Variants in TOX2 observed in about 807,000 individuals in gnomAD.
TOX2 encodes TOX high mobility group box family member 2.
TOX2 carries 15 observed loss-of-function variants against 47.4 expected under a neutral mutation model. The ratio of observed to expected loss-of-function variants is 0.32; its 90% confidence interval spans 0.21 to 0.49. The LOEUF is 0.49. Ranked by LOEUF, TOX2 falls within the 20% of genes least tolerant of loss-of-function variation. The pLI is 0.99. For synonymous variants in TOX2, 290 were observed against 296.6 expected, an observed-to-expected ratio of 0.98 and a Z score of 0.23; for missense variants, 622 against 673.1, an observed-to-expected ratio of 0.92 and a Z score of 0.84.
chr20:44,021,450 T>C (rs79854338), intron 3 of TOX2, among the ~76,000 whole-genome samples: 3,790 of 152,240 alleles, frequency 0.025, 81 homozygotes, highest in Non-Finnish European at 0.038. Context: ...ACAGGACTCC[T>C]CTTCTCCTTT....
intron 1 of TOX2, among the ~76,000 whole-genome samples, chr20:43,958,759 C>G (rs1035884540): frequency 1.3e-5 from 2 of 152,198 alleles, no homozygotes; most frequent in African/African-American, 4.8e-5. Flanking sequence ...TTACAGGACT[C>G]AACAATTTGG....
intron 2 of TOX2, among the ~76,000 whole-genome samples, chr20:44,000,408 C>T (rs760767472): frequency 6.6e-6 from 1 of 152,038 alleles, no homozygotes; most frequent in Admixed American, 6.6e-5. Flanking sequence ...AAGGGTGACA[C>T]CTTGGTTTCT....
chr20:44,061,087 A>T (rs1337029942), intron 5 of TOX2, among the ~76,000 whole-genome samples: 2 of 152,200 alleles, frequency 1.3e-5, no homozygotes, highest in African/African-American at 4.8e-5. Flanking sequence ...GATACCACAG[A>T]AATACAAAAG....
At chr20:43,921,870 C>T (rs2069116077) in intron 1 of TOX2, among the ~76,000 whole-genome samples, 1 of 152,178 alleles carries the variant, frequency 6.6e-6, no homozygotes, top group Non-Finnish European at 1.5e-5. Flanking sequence ...TGTCTTGATC[C>T]CTAGACCTGA....
intron 1 of TOX2, among the ~76,000 whole-genome samples, chr20:43,944,718 T>G (rs534786497): frequency 6.6e-6 from 1 of 152,354 alleles, no homozygotes; most frequent in East Asian, 1.9e-4. Flanking sequence ...TCCTCTCAGC[T>G]CTGTGGTGCT....
In TOX2 at chr20:44,048,402, ATATATATATATG is replaced by A. The variant is rs1451353836; in HGVS notation, c.412-2899_412-2888del. Reference sequence around the variant, plus strand: ...ATAAAATGAATTTATATATATATATATATATATATATGTATAATTTACCAAAACTGACTCGAG... The same window carrying A: ...ATAAAATGAATTTATATATATATATATATAATTTACCAAAACTGACTCGAG... On this transcript the variant is annotated intron_variant, in intron 3 of 8. Coordinates refer to ENST00000341197, the MANE Select transcript of TOX2 (RefSeq NM_001098797.2). Among the ~76,000 whole-genome samples the A allele has an allele frequency of 2.4e-4, 31 of 131,776 alleles. 1 individual carries two copies. The highest frequency in any genetic ancestry group is 4.6e-4 in the South Asian group (2 of 4,346). The allele number at this position is 131,776 out of a possible 152,430, so 86.5% of individuals were successfully genotyped here. A position where few individuals can be genotyped will look rare whatever the true frequency, so the allele number is the denominator to read the frequency against.
intron 3 of TOX2, among the ~76,000 whole-genome samples, chr20:44,041,544 A>G (rs1443495570): frequency 6.6e-6 from 1 of 152,182 alleles, no homozygotes; most frequent in Non-Finnish European, 1.5e-5. Context: ...TACTGTCTTT[A>G]TGAAGGGAAC....
intron 3 of TOX2, among the ~76,000 whole-genome samples, chr20:44,013,382 C>T (rs2070814345): frequency 6.6e-6 from 1 of 152,210 alleles, no homozygotes; most frequent in Non-Finnish European, 1.5e-5. Context: ...CATGGTCTAT[C>T]CCTGTTGGAT....
At position 44,051,445 on chromosome 20, in the gene TOX2, G is replaced by T; in HGVS notation, c.551G>T (p.Ser184Ile). Reference sequence around the variant, plus strand: ...CTCATCTCGCAGATGGGCATCCGGAGCAGCATCGCCCACAGCTCCCCATCA... The same window carrying T: ...CTCATCTCGCAGATGGGCATCCGGATCAGCATCGCCCACAGCTCCCCATCA... ...SQLISQMGIR[S>I]SIAHSSPSPP... Residue 184 changes from serine to isoleucine, a missense_variant, in exon 4 of 9, where the codon AGC becomes ATC. By Grantham distance (142) the Ser-to-Ile change is moderately radical. This residue lies in a region of TOX2 where 307 missense variants were observed against 327.3 expected (regional missense o/e 0.94). Coordinates refer to ENST00000341197, the MANE Select transcript of TOX2 (RefSeq NM_001098797.2). 1 of 1,614,058 alleles carries T rather than the reference G, an allele frequency of 6.2e-7. No individual in the cohort carries two copies. Among genetic ancestry groups the T allele is most frequent in the Non-Finnish European group, 8.5e-7 (1 of 1,179,962 alleles).
At chr20:44,009,644 G>A (rs1364162156) in intron 3 of TOX2, among the ~76,000 whole-genome samples, 3 of 152,190 alleles carry the variant, frequency 2.0e-5, no homozygotes, top group Non-Finnish European at 4.4e-5. Flanking sequence ...CACATGCTTA[G>A]CGTTTCAGTA....
chr20:44,011,574 G>A (rs937098504), intron 3 of TOX2, among the ~76,000 whole-genome samples: 11 of 152,222 alleles, frequency 7.2e-5, no homozygotes, highest in Admixed American at 1.3e-4. Flanking sequence ...AGGCCAGAAT[G>A]CAAACCCAGC....
chr20:44,027,589 C>A (rs541979698), intron 3 of TOX2, among the ~76,000 whole-genome samples: 2 of 152,366 alleles, frequency 1.3e-5, no homozygotes, highest in Admixed American at 6.5e-5. Flanking sequence ...GATCTGATTC[C>A]ATCTCTGCCC....
intron 1 of TOX2, among the ~76,000 whole-genome samples, chr20:43,954,638 G>A (rs2069636230): frequency 6.6e-6 from 1 of 152,214 alleles, no homozygotes. Flanking sequence ...CACCAGGCAG[G>A]GGCCAGCTGA....
intron 1 of TOX2, among the ~76,000 whole-genome samples, chr20:43,948,685 A>G (rs1013437598): frequency 3.3e-5 from 5 of 152,210 alleles, no homozygotes; most frequent in Non-Finnish European, 7.3e-5. Flanking sequence ...AGGAGCTGCC[A>G]TCTCCGTCTA....
chr20:44,039,471 T>C (rs2071298124), intron 3 of TOX2, among the ~76,000 whole-genome samples: 1 of 152,138 alleles, frequency 6.6e-6, no homozygotes, highest in African/African-American at 2.4e-5. Context: ...GCCAGCATGG[T>C]GCCTGGACTC....
intron 2 of TOX2, among the ~76,000 whole-genome samples, chr20:43,981,735 C>T (rs1014045831): frequency 8.5e-5 from 13 of 152,058 alleles, no homozygotes; most frequent in African/African-American, 2.7e-4. Context: ...GTCATCTTAG[C>T]GAAAAGGAAG....
intron 1 of TOX2, among the ~76,000 whole-genome samples, chr20:43,954,806 C>A (rs949082470): frequency 6.6e-6 from 1 of 152,188 alleles, no homozygotes; most frequent in East Asian, 1.9e-4. Context: ...TGGGGAGAGA[C>A]GTCAGACCTG....
Position 44,006,618 on chromosome 20 carries a change from G to T in TOX2, c.237G>T (p.Glu79Asp). 6.2e-7 allele frequency: 1 copy of T among 1,614,124 alleles called. No individual in the cohort carries two copies. The highest frequency in any genetic ancestry group is 8.5e-7 in the Non-Finnish European group (1 of 1,180,026). Residue 79 changes from glutamate to aspartate, a missense_variant, in exon 3 of 9, where the codon GAG (glutamate) becomes GAT (aspartate). By Grantham distance (45) the Glu-to-Asp change is conservative (BLOSUM62 2). This residue lies in a region of TOX2 where 307 missense variants were observed against 327.3 expected (regional missense o/e 0.94). Transcript: ENST00000341197. ...CGATAACACCTCCCAACCTCCCGGA[G>T]CCATCCCTCCTGCACCTGGGGGACC... ...IPPITPPNLPEPSLLHLGDHE... is the reference protein window; with the variant it reads ...IPPITPPNLPDPSLLHLGDHE...
intron 1 of TOX2, among the ~76,000 whole-genome samples, chr20:43,951,099 G>A (rs192606518): frequency 2.1e-3 from 316 of 152,222 alleles, no homozygotes; most frequent in Admixed American, 3.8e-3. Context: ...CCTTCAGGGC[G>A]ATAGCTGTCT....
Sources: gnomAD v4.1 joint callset for allele counts (sites outside exome capture counted in the v4.1 genomes callset) on GRCh38, gnomAD v4.1.1 for gene constraint, gnomAD v4.1.1 regional missense constraint, MANE v1.5 for transcripts, NCBI Gene and HGNC (gene_info 2026-07-23, HGNC 2026-07-21) for gene names.